KDM2B: variants seen among roughly 807,000 people sequenced by gnomAD.
The protein encoded by KDM2B is lysine demethylase 2B, also known as lysine-specific demethylase 2B.
A neutral mutation model predicts 150.0 loss-of-function variants in KDM2B; 26 were observed. That is an observed-to-expected ratio of 0.17 (90% CI 0.13 to 0.24). The LOEUF is 0.24. Ranked by LOEUF, KDM2B falls within the 10% of genes least tolerant of loss-of-function variation. The probability of loss-of-function intolerance (pLI) is 1.00; values close to 1 mark genes in which losing one functional copy is unlikely to be tolerated. For missense variants in KDM2B, 1,265 were observed against 1,816.9 expected (o/e 0.70, Z 5.52); for synonymous variants, 734 against 729.5 (o/e 1.01, Z -0.10).
At chr12:121,440,484 C>T (rs146124177) in intron 21 of KDM2B, 133 of 377,122 alleles carry the variant, frequency 3.5e-4, no homozygotes, top group Admixed American at 1.3e-3. Context: ...TTGAAACCAA[C>T]GAGGGGCAAG....
At chr12:121,562,690 G>T (rs573218003) in intron 4 of KDM2B, among the ~76,000 whole-genome samples, 64 of 149,168 alleles carry the variant, frequency 4.3e-4, no homozygotes, top group African/African-American at 1.6e-3. Flanking sequence ...GAAAGAGGAG[G>T]AGGAAGAGAG....
At position 121,430,159 on chromosome 12, in the gene KDM2B, A is replaced by G. The variant is rs1872772602; in HGVS notation, c.*129T>C. On this transcript the variant is annotated 3_prime_UTR_variant, in exon 23 of 23. Transcript: ENST00000377071. This position sits in a 1 kb window ranked among gnomAD's most constrained non-coding sequence, Gnocchi z 4.4. Reference sequence around the variant, plus strand: ...GGTGGTTGAACAGCTTCTCCCTTGGAAAGACTTGCAAAATGGAATTGCGTT... The same window carrying G: ...GGTGGTTGAACAGCTTCTCCCTTGGGAAGACTTGCAAAATGGAATTGCGTT... The G allele has an allele frequency of 6.2e-7, 1 of 1,614,212 alleles. No homozygotes were observed. Among genetic ancestry groups the G allele is most frequent in the Non-Finnish European group, 8.5e-7 (1 of 1,180,034 alleles).
intron 4 of KDM2B, among the ~76,000 whole-genome samples, chr12:121,560,925 T>C (rs972624887): frequency 1.1e-4 from 16 of 152,030 alleles, no homozygotes; most frequent in African/African-American, 3.6e-4. Context: ...CCTTCAGACC[T>C]GCAAGGGATC....
intron 13 of KDM2B, among the ~76,000 whole-genome samples, chr12:121,446,093 C>T (rs115230637): frequency 0.02 from 3,049 of 152,256 alleles, 112 homozygotes; most frequent in African/African-American, 0.07. Context: ...TCATGCCATA[C>T]GCTTATTAAA....
At position 121,578,864 on chromosome 12, in the gene KDM2B, A is replaced by C; in HGVS notation, c.209T>G (p.Leu70Arg). Reference protein sequence around the residue: ...EEIVSVRGFSLEEKLRSQLYQ... With the variant: ...EEIVSVRGFSREEKLRSQLYQ... ...CAGCTGGCTGCGAAGCTTCTCCTCCAGGCTGAAGCCGCGGACGCTGACGAT... is the reference window on the plus strand; with the variant it reads ...CAGCTGGCTGCGAAGCTTCTCCTCCCGGCTGAAGCCGCGGACGCTGACGAT... Residue 70 changes from leucine (L) to arginine (R), a missense_variant, in exon 2 of 23, where the codon CTG becomes CGG. Leu to Arg is a moderately radical substitution (Grantham distance 102, BLOSUM62 -2). Around this residue, in one of 11 missense-constraint regions of KDM2B, gnomAD observed 214 missense variants for 447.4 expected, o/e 0.48. Coordinates refer to ENST00000377071, the MANE Select transcript of KDM2B (RefSeq NM_032590.5). 1 of 1,612,200 alleles carries C rather than the reference A, an allele frequency of 6.2e-7. No homozygotes were observed. Among genetic ancestry groups the C allele is most frequent in the Non-Finnish European group, 8.5e-7 (1 of 1,179,424 alleles).
intron 4 of KDM2B, among the ~76,000 whole-genome samples, chr12:121,564,780 T>C (rs1213750088): frequency 6.6e-6 from 1 of 152,090 alleles, no homozygotes; most frequent in African/African-American, 2.4e-5. Flanking sequence ...AAGATTCATA[T>C]GGAAACACAA....
At chr12:121,449,755 AATGCACATCCATGC>A (rs575326779) in intron 13 of KDM2B, among the ~76,000 whole-genome samples, 249 of 152,298 alleles carry the variant, frequency 1.6e-3, no homozygotes, top group Non-Finnish European at 3.1e-3. Context: ...GTCTCCAAAA[AATGCACATCCATGC>A]ATGCACATAG....
chr12:121,513,546 G>T lies in KDM2B; in HGVS notation c.1048-144C>A. On this transcript the variant is annotated intron_variant, in intron 9 of 22. Coordinates refer to ENST00000377071, the MANE Select transcript of KDM2B (RefSeq NM_032590.5). The surrounding 1 kb of genome is among the most constrained non-coding windows in gnomAD (Gnocchi z 5.0). ...AGCATGGATGGTCGGGGGAGAAATG[G>T]TGGGGTGCTGGAAGGGAGATGCCGG... 2 of 902,376 alleles carry T rather than the reference G, an allele frequency of 2.2e-6. No homozygotes were observed. Among genetic ancestry groups the T allele is most frequent in the East Asian group, 2.6e-5 (1 of 38,474 alleles). 55.9% of individuals were successfully genotyped at this position (902,376 alleles called of 1,614,324 possible). A position where few individuals can be genotyped will look rare whatever the true frequency, so the allele number is the denominator to read the frequency against.
At chr12:121,569,981 C>G (rs111747389) in intron 4 of KDM2B, among the ~76,000 whole-genome samples, 43 of 152,068 alleles carry the variant, frequency 2.8e-4, no homozygotes, top group African/African-American at 1.0e-3. Context: ...TCCTGAGGAG[C>G]TGGGACTACC....
Position 121,441,192 on chromosome 12 carries a change from T to G in KDM2B, c.3326A>C (p.His1109Pro), listed in dbSNP as rs2138008540. The G allele has an allele frequency of 6.2e-7, 1 of 1,614,160 alleles. No individual in the cohort carries two copies. The highest frequency in any genetic ancestry group is 2.2e-5 in the East Asian group (1 of 44,888). ...KRLWTRIDLN[H>P]CKSITPLMLS... ...CATCAGGGGTGTGATAGACTTGCAG[T>G]GGTTCAGGTCAATGCGGGTCCACAA... The change falls in exon 20 of 23, where the codon CAC becomes CCC. Residue 1109 changes from histidine to proline, a missense_variant. Coordinates refer to ENST00000377071, the MANE Select transcript of KDM2B (RefSeq NM_032590.5).
At chr12:121,479,057 A>G (rs1442360180) in intron 12 of KDM2B, among the ~76,000 whole-genome samples, 1 of 151,980 alleles carries the variant, frequency 6.6e-6, no homozygotes, top group Non-Finnish European at 1.5e-5. Context: ...GGGAGTTCTC[A>G]ATTTCTTTAA....
chr12:121,452,702 G>A lies in KDM2B; in HGVS notation c.1959+418C>T, dbSNP rs565715902. ...TGGAGGGGCGGGCCAGGCTCTCCCG[G>A]GCGCGGCTCCTCAGTACCATAAATC... On this transcript the variant is annotated intron_variant, in intron 13 of 22. Transcript: ENST00000377071. The surrounding 1 kb of genome is among the most constrained non-coding windows in gnomAD (Gnocchi z 4.4). Among the ~76,000 whole-genome samples, 69 of 152,198 alleles carry A rather than the reference G, an allele frequency of 4.5e-4. 1 individual carries two copies. The highest frequency in any genetic ancestry group is 8.5e-4 in the Admixed American group (13 of 15,288).
At chr12:121,443,559 C>T (rs528931471) in intron 17 of KDM2B, 121 bp downstream of exon 17, 7 of 695,816 alleles carry the variant, frequency 1.0e-5, no homozygotes, top group East Asian at 5.1e-5. Context: ...GATCTGGGGC[C>T]GAGACCTGGG....
chr12:121,453,819 G>A lies in KDM2B; in HGVS notation c.1735-475C>T, dbSNP rs1423299574. 6.6e-6 allele frequency among the ~76,000 whole-genome samples: 1 copy of A among 152,174 alleles called. No individual in the cohort carries two copies. Among genetic ancestry groups the A allele is most frequent in the Non-Finnish European group, 1.5e-5 (1 of 68,014 alleles). Reference sequence around the variant, plus strand: ...AACCGGGAGAGAAGAAAGGCCGGTTGTTTTAAGCCACCCGTTATGGCAGCC... The same window carrying A: ...AACCGGGAGAGAAGAAAGGCCGGTTATTTTAAGCCACCCGTTATGGCAGCC... On this transcript the variant is annotated intron_variant, in intron 12 of 22. Transcript: ENST00000377071. This position sits in a 1 kb window ranked among gnomAD's most constrained non-coding sequence, Gnocchi z 6.4.
At chr12:121,554,032 TCC>T (rs1491249158) in intron 4 of KDM2B, among the ~76,000 whole-genome samples, 3 of 76,500 alleles carry the variant, frequency 3.9e-5, no homozygotes, top group Non-Finnish European at 8.7e-5. Flanking sequence ...ACACCCCAGC[TCC>T]ACACACACAC....
rs868923932 is a variant in KDM2B at position 121,562,254 on chromosome 12, G to A, written c.397+12293C>T. On this transcript the variant is annotated intron_variant, in intron 4 of 22. Transcript: ENST00000377071. Reference sequence around the variant, plus strand: ...TCCCAGCTCTTTGGGAGGCCAAGGCGAACAGATCACCTGAGGCCAGGAGTT... The same window carrying A: ...TCCCAGCTCTTTGGGAGGCCAAGGCAAACAGATCACCTGAGGCCAGGAGTT... Among the ~76,000 whole-genome samples the A allele has an allele frequency of 5.5e-5, 8 of 145,108 alleles. No homozygotes were observed. In the South Asian group the frequency reaches 8.9e-4, roughly 16 times the overall value.
Position 121,549,610 on chromosome 12 carries a change from A to G in KDM2B, c.426T>C (p.Asp142=). ...VGSRRLVDVM[D]VNTQKGTEMS... ...TCTCCGTGCCCTTCTGGGTGTTCACATCCATCACGTCCACAAGCCGCCGGC... is the reference window on the plus strand; with the variant it reads ...TCTCCGTGCCCTTCTGGGTGTTCACGTCCATCACGTCCACAAGCCGCCGGC... Residue 142 remains aspartate (D), a synonymous_variant, in exon 5 of 23, where the codon GAT becomes GAC. Coordinates refer to ENST00000377071, the MANE Select transcript of KDM2B (RefSeq NM_032590.5). This position sits in a 1 kb window ranked among gnomAD's most constrained non-coding sequence, Gnocchi z 4.4. 3 of 1,597,620 alleles carry G rather than the reference A, an allele frequency of 1.9e-6. No homozygotes were observed. Among genetic ancestry groups the G allele is most frequent in the Non-Finnish European group, 2.6e-6 (3 of 1,168,182 alleles).
At chr12:121,503,705 G>C (rs1270440630) in intron 11 of KDM2B, among the ~76,000 whole-genome samples, 3 of 152,236 alleles carry the variant, frequency 2.0e-5, no homozygotes, top group African/African-American at 2.4e-5. Flanking sequence ...AGTGTGGGTA[G>C]CTGGCCAAAG....
chr12:121,420,178 G>A, the KDM2B span: 1 of 1,480,418 alleles, frequency 6.8e-7, no homozygotes. Context: ...TCAATGACAA[G>A]GTTTTCTCTA....
Sources: gnomAD v4.1 joint callset for allele counts (sites outside exome capture counted in the v4.1 genomes callset) on GRCh38, gnomAD v4.1.1 for gene constraint, gnomAD v4.1.1 regional missense constraint, Gnocchi (gnomAD v3.1) non-coding constraint, MANE v1.5 for transcripts, NCBI Gene and HGNC (gene_info 2026-07-23, HGNC 2026-07-21) for gene names.